NCR1: variants seen among roughly 807,000 people sequenced by gnomAD.
NCR1 encodes the protein NK cell-activating receptor.
NCR1 carries 30 observed loss-of-function variants against 32.5 expected under a neutral mutation model. That is an observed-to-expected ratio of 0.92 (90% confidence interval 0.69 to 1.25). NCR1 has a LOEUF of 1.25. NCR1 is among the 50% of genes most tolerant of loss of function. The probability of loss-of-function intolerance (pLI) is 0.00; values close to 1 mark genes in which losing one functional copy is unlikely to be tolerated. For missense variants in NCR1, 369 were observed against 380.7 expected (o/e 0.97, Z 0.26); for synonymous variants, 169 against 143.4 (o/e 1.18, Z -1.28).
the NCR1 span, chr19:54,937,914 A>AT: frequency 1.3e-6 from 1 of 767,116 alleles, no homozygotes. Context: ...AAAAAAAAAA[A>AT]AAAAAAAGAC....
upstream of NCR1, among the ~76,000 whole-genome samples, chr19:54,905,529 G>T (rs1010197297): frequency 7.2e-5 from 11 of 152,142 alleles, no homozygotes; most frequent in Non-Finnish European, 1.3e-4. Context: ...ATTGAGACAT[G>T]CATCACATTA....
chr19:54,923,995 T>TCTTG, the NCR1 span: 2 of 1,051,556 alleles, frequency 1.9e-6, no homozygotes, highest in East Asian at 5.0e-5. Context: ...GGGGACAGGG[T>TCTTG]CTTGCTCTGT....
downstream of NCR1, among the ~76,000 whole-genome samples, chr19:54,920,744 G>C (rs1478349569): frequency 6.6e-6 from 1 of 152,198 alleles, no homozygotes; most frequent in African/African-American, 2.4e-5. Flanking sequence ...AGGATTCCTT[G>C]AGTTTAAGGC....
chr19:54,934,448 C>G, the NCR1 span: 5 of 1,607,496 alleles, frequency 3.1e-6, no homozygotes, highest in African/African-American at 1.3e-5. The surrounding 1 kb of genome is among the most constrained non-coding windows in gnomAD (Gnocchi z 6.7). Context: ...TCTATAGCCC[C>G]AGAACTAAAC....
chr19:54,925,615 C>G, the NCR1 span, among the ~76,000 whole-genome samples: 1 of 152,052 alleles, frequency 6.6e-6, no homozygotes, highest in Non-Finnish European at 1.5e-5. Context: ...AGAACCTCGG[C>G]AACACGGCCA....
chr19:54,920,381 T>C (rs149739402), downstream of NCR1, among the ~76,000 whole-genome samples: 563 of 152,258 alleles, frequency 3.7e-3, 5 homozygotes, highest in African/African-American at 0.013. Flanking sequence ...CACAGGACAG[T>C]CCTTGCTACG....
chr19:54,903,395 T>C (rs79478065), upstream of NCR1, among the ~76,000 whole-genome samples: 22 of 131,066 alleles, frequency 1.7e-4, no homozygotes, highest in African/African-American at 6.4e-4. Context: ...TATACATATA[T>C]GTATATGTAT....
chr19:54,901,360 C>G (rs200498819), upstream of NCR1, among the ~76,000 whole-genome samples: 1 of 91,212 alleles, frequency 1.1e-5, no homozygotes, highest in African/African-American at 5.2e-5. Context: ...GAGTCCATCT[C>G]AAAAAAAAAA....
At chr19:54,925,948 C>T in the NCR1 span, among the ~76,000 whole-genome samples, 43 of 151,108 alleles carry the variant, frequency 2.8e-4, no homozygotes, top group African/African-American at 1.0e-3. Flanking sequence ...TGCAGTGAGC[C>T]GAGATCGCAC....
downstream of NCR1, among the ~76,000 whole-genome samples, chr19:54,915,529 G>A (rs532935443): frequency 2.2e-4 from 33 of 152,172 alleles, no homozygotes; most frequent in Middle Eastern, 6.8e-3. Flanking sequence ...GCTTGCACCC[G>A]TAATCTCAGC....
chr19:54,898,671 T>C, the NCR1 span, among the ~76,000 whole-genome samples: 1 of 152,146 alleles, frequency 6.6e-6, no homozygotes, highest in Non-Finnish European at 1.5e-5. Flanking sequence ...TCTAGGGCTG[T>C]AAAGCGTCTC....
the NCR1 span, among the ~76,000 whole-genome samples, chr19:54,930,039 C>T: frequency 2.0e-5 from 3 of 146,600 alleles, no homozygotes; most frequent in South Asian, 2.2e-4. Context: ...AGCGAGAACC[C>T]GGGAGGAAGA....
Position 54,906,163 on chromosome 19 carries a change from G to A in NCR1, c.-25G>A. 1.2e-6 allele frequency: 2 copies of A among 1,614,048 alleles called. No individual in the cohort carries two copies. Among genetic ancestry groups the A allele is most frequent in the Non-Finnish European group, 1.7e-6 (2 of 1,180,036 alleles). ...CGCCCGGCTCAGTCCCCACTGCTCA[G>A]CACTAGGCCGGCAGAATCTGAGCGA... On this transcript the variant is annotated 5_prime_UTR_variant, in exon 1 of 7. Transcript: ENST00000291890.
chr19:54,906,097 G>C (rs1263061903), upstream of NCR1: 2 of 1,525,824 alleles, frequency 1.3e-6, no homozygotes, highest in Non-Finnish European at 1.8e-6. Flanking sequence ...GATGGGCGCT[G>C]GTGCTCACCC....
chr19:54,913,960 C>A (rs1284635980), downstream of NCR1, among the ~76,000 whole-genome samples: 1 of 151,264 alleles, frequency 6.6e-6, no homozygotes, highest in Non-Finnish European at 1.5e-5. Flanking sequence ...CCCAGCTACT[C>A]AGGAGGCTGA....
the NCR1 span, chr19:54,936,142 G>C: frequency 2.3e-6 from 2 of 867,858 alleles, no homozygotes; most frequent in Non-Finnish European, 3.8e-6. Flanking sequence ...AGGCCTGTTT[G>C]AGGAATACAT....
the NCR1 span, among the ~76,000 whole-genome samples, chr19:54,928,803 T>C: frequency 9.5e-6 from 1 of 105,664 alleles, no homozygotes; most frequent in African/African-American, 3.3e-5. Flanking sequence ...GTAGAAGCCT[T>C]TGGTTTTGTT....
the NCR1 span, among the ~76,000 whole-genome samples, chr19:54,932,872 G>T: frequency 5.9e-5 from 9 of 151,936 alleles, no homozygotes; most frequent in Non-Finnish European, 1.3e-4. Flanking sequence ...GGCCAGGCTG[G>T]TCTCGAACCT....
At chr19:54,908,924 C>A (rs2067790966) in intron 3 of NCR1, among the ~76,000 whole-genome samples, 1 of 150,938 alleles carries the variant, frequency 6.6e-6, no homozygotes, top group Admixed American at 6.6e-5. Flanking sequence ...GGAAACAGAG[C>A]AAGACCCTGT....
Sources: gnomAD v4.1 joint callset for allele counts (sites outside exome capture counted in the v4.1 genomes callset) on GRCh38, gnomAD v4.1.1 for gene constraint, Gnocchi (gnomAD v3.1) non-coding constraint, MANE v1.5 for transcripts, NCBI Gene and HGNC (gene_info 2026-07-23, HGNC 2026-07-21) for gene names.